RPS11: variants seen among roughly 807,000 people sequenced by gnomAD.
The protein encoded by RPS11 is ribosomal protein S11.
For missense variants in RPS11, 127 were observed against 211.4 expected, an observed-to-expected ratio of 0.60 and a Z score of 2.48; for synonymous variants, 107 against 78.0, an observed-to-expected ratio of 1.37 and a Z score of -1.96.
At chr19:49,496,513 TG>T in intron 1 of RPS11, 42 bp downstream of exon 1, 1 of 1,591,688 alleles carries the variant, frequency 6.3e-7, no homozygotes, top group Non-Finnish European at 8.6e-7. Context: ...GGGTCCGCCT[TG>T]GCCTTCAGGG....
rs183138653 is a variant in RPS11, at chr19:49,496,625, T to G, written c.15+154T>G. On this transcript the variant is annotated intron_variant, in intron 1 of 4. Coordinates refer to ENST00000270625, the MANE Select transcript of RPS11 (RefSeq NM_001015.5). Reference sequence around the variant, plus strand: ...TTAACTGGAGTGGAGGGCGCTTGCTTTTGTTTCTAGATGAGTGCTTCCTAA... The same window carrying G: ...TTAACTGGAGTGGAGGGCGCTTGCTGTTGTTTCTAGATGAGTGCTTCCTAA... 3.3e-4 allele frequency: 263 copies of G among 790,654 alleles called. No individual in the cohort carries two copies. The East Asian group carries it at 7.4e-3, about 22-fold the overall frequency. 49.0% of individuals were successfully genotyped at this position (790,654 alleles called of 1,614,324 possible). A position where few individuals can be genotyped will look rare whatever the true frequency, so the allele number is the denominator to read the frequency against.
At position 49,499,512 on chromosome 19, in the gene RPS11, G is replaced by T. The variant is rs775090109; in HGVS notation, c.354G>T (p.Arg118Ser). 4.3e-6 allele frequency: 7 copies of T among 1,613,058 alleles called. No individual in the cohort carries two copies. The highest frequency in any genetic ancestry group is 5.1e-6 in the Non-Finnish European group (6 of 1,179,306). The change falls in exon 5 of 5, where the codon AGG becomes AGT. Residue 118 changes from arginine (R) to serine (S), a missense_variant and splice_region_variant. Arg to Ser is a moderately radical substitution (Grantham distance 110). Transcript: ENST00000270625. Reference protein sequence around the residue: ...NMSVHLSPCFRDVQIGDIVTV... With the variant: ...NMSVHLSPCFSDVQIGDIVTV... ...GACATGGCCCTACCTGCCTCCACAGGGACGTCCAGATCGGTGACATCGTCA... is the reference window on the plus strand; with the variant it reads ...GACATGGCCCTACCTGCCTCCACAGTGACGTCCAGATCGGTGACATCGTCA...
At chr19:49,498,443 G>A (rs569702097) in intron 4 of RPS11, among the ~76,000 whole-genome samples, 3 of 152,272 alleles carry the variant, frequency 2.0e-5, no homozygotes, top group South Asian at 4.1e-4. Flanking sequence ...AAGGTGTCAC[G>A]CTGGTATTGA....
chr19:49,497,032 C>T (rs2079909790), intron 1 of RPS11, 162 bp from the exon 2 acceptor site: 1 of 702,234 alleles, frequency 1.4e-6, no homozygotes. Flanking sequence ...TCAGGGTGGT[C>T]ATGTCTTAGA....
chr19:49,498,608 G>C (rs1449600325), intron 4 of RPS11, among the ~76,000 whole-genome samples: 1 of 152,146 alleles, frequency 6.6e-6, no homozygotes, highest in African/African-American at 2.4e-5. Flanking sequence ...AAGTTTGCCA[G>C]GTGTGGTAGC....
chr19:49,497,430 A>G, intron 2 of RPS11, 90 bp from the exon 3 acceptor site: 1 of 1,594,176 alleles, frequency 6.3e-7, no homozygotes, highest in Non-Finnish European at 8.6e-7. Flanking sequence ...GCTGCTGGGA[A>G]TTGTAGTTGC....
chr19:49,499,662 A>G lies in RPS11; in HGVS notation c.*27A>G, dbSNP rs761178437. On this transcript the variant is annotated 3_prime_UTR_variant, in exon 5 of 5. Transcript: ENST00000270625. Reference sequence around the variant, plus strand: ...GCTGGACATCGGCCCGCTCCCCACAATGAAATAAAGTTATTTTCTCATTCC... The same window carrying G: ...GCTGGACATCGGCCCGCTCCCCACAGTGAAATAAAGTTATTTTCTCATTCC... The G allele has an allele frequency of 4.4e-6, 7 of 1,608,076 alleles. No individual in the cohort carries two copies. In the South Asian group the frequency reaches 6.6e-5, roughly 15 times the overall value.
Position 49,497,950 on chromosome 19 carries a change from T to C in RPS11, c.257T>C (p.Ile86Thr), listed in dbSNP as rs2079915497. The change falls in exon 4 of 5, where the codon ATT becomes ACT. Residue 86 changes from isoleucine to threonine, a missense_variant. Physicochemically the swap from Ile to Thr is moderately conservative, Grantham distance 89. Transcript: ENST00000270625. The part of the protein sequence containing the change: ...VVTKMKMQRT[I>T]VIRRDYLHYI... The stretch of plus-strand genomic sequence containing the variant: ...ACCAAGATGAAGATGCAGAGGACCA[T>C]TGTCATCCGCCGAGACTATCTGCAC... 1 of 1,614,100 alleles carries C rather than the reference T, an allele frequency of 6.2e-7. No homozygotes were observed. The highest frequency in any genetic ancestry group is 8.5e-7 in the Non-Finnish European group (1 of 1,179,994).
intron 4 of RPS11, among the ~76,000 whole-genome samples, chr19:49,499,013 A>G (rs1314579860): frequency 6.6e-6 from 1 of 152,186 alleles, no homozygotes; most frequent in Non-Finnish European, 1.5e-5. Context: ...GGCACCTTCA[A>G]GCAGTGTGGG....
At chr19:49,496,554 C>A in intron 1 of RPS11, 83 bp downstream of exon 1, 1 of 1,435,312 alleles carries the variant, frequency 7.0e-7, no homozygotes. Context: ...GCCCGGCGGC[C>A]AAGTTCGGGG....
chr19:49,496,829 T>C (rs918513537), intron 1 of RPS11, among the ~76,000 whole-genome samples: 2 of 152,150 alleles, frequency 1.3e-5, no homozygotes, highest in East Asian at 1.9e-4. Context: ...TGAATCCTTA[T>C]GTACTACATA....
intron 4 of RPS11, 144 bp downstream of exon 4, chr19:49,498,190 C>A: frequency 1.2e-6 from 1 of 860,436 alleles, no homozygotes; most frequent in Non-Finnish European, 1.9e-6. Flanking sequence ...ATTTGTATAT[C>A]ATATGTTCTT....
chr19:49,497,967 T>C lies in RPS11; in HGVS notation c.274T>C (p.Tyr92His). 6.2e-7 allele frequency: 1 copy of C among 1,614,090 alleles called. No homozygotes were observed. The highest frequency in any genetic ancestry group is 8.5e-7 in the Non-Finnish European group (1 of 1,179,988). ...MQRTIVIRRD[Y>H]LHYIRKYNRF... ...GAGGACCATTGTCATCCGCCGAGACTATCTGCACTACATCCGCAAGTACAA... is the reference window on the plus strand; with the variant it reads ...GAGGACCATTGTCATCCGCCGAGACCATCTGCACTACATCCGCAAGTACAA... Residue 92 changes from tyrosine (Y) to histidine (H), a missense_variant, in exon 4 of 5, where the codon TAT (tyrosine) becomes CAT (histidine). Physicochemically the swap from Tyr to His is moderately conservative, Grantham distance 83. Coordinates refer to ENST00000270625, the MANE Select transcript of RPS11 (RefSeq NM_001015.5).
chr19:49,497,666 G>A (rs1458402177), intron 3 of RPS11, 71 bp downstream of exon 3: 2 of 1,430,300 alleles, frequency 1.4e-6, no homozygotes, highest in African/African-American at 2.8e-5. Flanking sequence ...CAGACTCCTG[G>A]GTCCTGGGTG....
intron 2 of RPS11, 24 bp from the exon 3 acceptor site, chr19:49,497,496 C>G: frequency 6.2e-7 from 1 of 1,612,014 alleles, no homozygotes; most frequent in East Asian, 2.2e-5. Context: ...AAGGCTCACT[C>G]CTTTATCTTT....
At chr19:49,497,102 G>GGGGTCTGGGA in intron 1 of RPS11, 92 bp from the exon 2 acceptor site, 1 of 1,461,450 alleles carries the variant, frequency 6.8e-7, no homozygotes, top group Non-Finnish European at 9.3e-7. Flanking sequence ...TGTAGAGCAT[G>GGGGTCTGGGA]GGGTCTGGGA....
chr19:49,498,089 C>T, intron 4 of RPS11, 43 bp downstream of exon 4: 2 of 1,609,656 alleles, frequency 1.2e-6, no homozygotes, highest in African/African-American at 2.7e-5. Context: ...CACGCTCTCT[C>T]AGCCTTCAGA....
chr19:49,496,674 T>G (rs2079907980), intron 1 of RPS11, among the ~76,000 whole-genome samples: 1 of 152,170 alleles, frequency 6.6e-6, no homozygotes, highest in Non-Finnish European at 1.5e-5. Flanking sequence ...CTGGCGTTAA[T>G]GGAGGCTCAA....
rs548627385 is a variant in RPS11 at position 49,497,104 on chromosome 19, G to A, written c.16-90G>A. 2.8e-5 allele frequency: 41 copies of A among 1,482,402 alleles called. 1 individual carries two copies. The East Asian group carries it at 4.1e-4, about 15-fold the overall frequency. The allele number at this position is 1,482,402 out of a possible 1,614,324, so 91.8% of individuals were successfully genotyped here. On this transcript the variant is annotated intron_variant, in intron 1 of 4. Coordinates refer to ENST00000270625, the MANE Select transcript of RPS11 (RefSeq NM_001015.5). ...CTTTGCAAGTAAATGTAGAGCATGG[G>A]GTCTGGGAGGTTCTGGGAAGGTCTC...
Sources: allele counts gnomAD v4.1 joint callset (sites outside exome capture counted in the v4.1 genomes callset), GRCh38; gene constraint gnomAD v4.1.1; transcripts MANE v1.5; gene names NCBI Gene and HGNC (gene_info 2026-07-23, HGNC 2026-07-21).